The following TMEM131 variants were observed in gnomAD, a reference collection of about 807,000 sequenced individuals.
TMEM131 encodes 2610524E03Rik.
In TMEM131, 66 loss-of-function variants were observed where a neutral mutation model predicts 211.6. The observed-to-expected ratio is 0.31, with a 90% CI of 0.26 to 0.38. The LOEUF is 0.38. Among genes scored for constraint, TMEM131 ranks in the 10% least tolerant of loss-of-function variants. TMEM131 has a pLI of 1.00. For synonymous variants in TMEM131, 844 were observed against 841.3 expected, an observed-to-expected ratio of 1.00 and a Z score of -0.06; for missense variants, 2,036 against 2,299.3, an observed-to-expected ratio of 0.89 and a Z score of 2.34.
intron 5 of TMEM131, among the ~76,000 whole-genome samples, chr2:97,855,103 C>T (rs1350968832): frequency 6.6e-6 from 1 of 152,198 alleles, no homozygotes; most frequent in Non-Finnish European, 1.5e-5. Flanking sequence ...ACAAAAGTGC[C>T]TGGCACTTTA....
intron 5 of TMEM131, among the ~76,000 whole-genome samples, chr2:97,854,126 GC>G (rs146406655): frequency 0.041 from 6,238 of 152,252 alleles, 222 homozygotes; most frequent in African/African-American, 0.095. Context: ...AACTGTCACG[GC>G]CATCCCAACC....
chr2:97,827,068 C>CAAAAAAAAA (rs66841026), intron 11 of TMEM131, among the ~76,000 whole-genome samples: 1 of 93,682 alleles, frequency 1.1e-5, no homozygotes, highest in Non-Finnish European at 2.2e-5. Flanking sequence ...AAGTGATAAG[C>CAAAAAAAAA]AAAAAAAAAA....
At chr2:97,955,772 G>A (rs2104549225) in intron 1 of TMEM131, among the ~76,000 whole-genome samples, 2 of 152,118 alleles carry the variant, frequency 1.3e-5, no homozygotes, top group South Asian at 4.1e-4. Flanking sequence ...TGAAATACTT[G>A]CAATCACTCC....
At chr2:97,834,505 A>G in intron 10 of TMEM131, 116 bp downstream of exon 10, 1 of 838,824 alleles carries the variant, frequency 1.2e-6, no homozygotes, top group Non-Finnish European at 1.8e-6. Context: ...AAGATCATGC[A>G]ACCAACTGAG....
At chr2:97,945,501 T>C (rs1269367504) in intron 1 of TMEM131, among the ~76,000 whole-genome samples, 2 of 152,212 alleles carry the variant, frequency 1.3e-5, no homozygotes, top group African/African-American at 4.8e-5. Flanking sequence ...AAAAGCATGC[T>C]TTTGTGTTCT....
intron 7 of TMEM131, among the ~76,000 whole-genome samples, chr2:97,841,610 C>CCAGACTGCTGTATTCCAAAATT (rs11275209): frequency 2.0e-5 from 3 of 150,538 alleles, no homozygotes; most frequent in East Asian, 2.0e-4. Context: ...AATTCAAAAT[C>CCAGACTGCTGTATTCCAAAATT]CAGACTGCTG....
At chr2:97,822,371 T>A (rs7558931) in intron 11 of TMEM131, among the ~76,000 whole-genome samples, 121,319 of 152,118 alleles carry the variant, frequency 0.8, 49,898 homozygotes, top group African/African-American at 0.93. Context: ...TATCCTTCCT[T>A]TTCACATGAT....
chr2:97,804,761 T>TA (rs1323912086), intron 22 of TMEM131, among the ~76,000 whole-genome samples: 5 of 151,902 alleles, frequency 3.3e-5, no homozygotes, highest in Admixed American at 1.3e-4. Context: ...CAGTGGTAGG[T>TA]AAAAAACTTT....
intron 29 of TMEM131, among the ~76,000 whole-genome samples, 168 bp downstream of exon 29, chr2:97,794,762 G>A (rs1573371942): frequency 6.6e-6 from 1 of 152,140 alleles, no homozygotes. Flanking sequence ...CACCCAAGAA[G>A]GGCTCTGTTT....
At chr2:97,951,080 A>C (rs1377543262) in intron 1 of TMEM131, among the ~76,000 whole-genome samples, 2 of 152,228 alleles carry the variant, frequency 1.3e-5, no homozygotes, top group Admixed American at 1.3e-4. Context: ...GAGCAGAATA[A>C]GTCAACAGTT....
intron 4 of TMEM131, among the ~76,000 whole-genome samples, chr2:97,881,653 A>G (rs1015410468): frequency 3.5e-5 from 5 of 142,702 alleles, no homozygotes; most frequent in African/African-American, 1.3e-4. Context: ...CTGACTTATC[A>G]AGATTTACCC....
chr2:97,867,053 G>A (rs150483706), intron 4 of TMEM131, among the ~76,000 whole-genome samples: 75 of 152,308 alleles, frequency 4.9e-4, no homozygotes, highest in Non-Finnish European at 5.7e-4. Context: ...GGAATGTTCA[G>A]CCTGTATTGT....
At chr2:97,825,929 C>T (rs543857792) in intron 11 of TMEM131, among the ~76,000 whole-genome samples, 13 of 152,304 alleles carry the variant, frequency 8.5e-5, no homozygotes, top group East Asian at 5.8e-4. Context: ...ATCAGACAAC[C>T]GCCTACTTAG....
At chr2:97,877,687 C>T (rs1674755685) in intron 4 of TMEM131, among the ~76,000 whole-genome samples, 2 of 152,170 alleles carry the variant, frequency 1.3e-5, no homozygotes, top group South Asian at 2.1e-4. Flanking sequence ...CTTCCTTGTA[C>T]CTTATACAAA....
At chr2:97,826,796 T>C (rs1682408771) in intron 11 of TMEM131, among the ~76,000 whole-genome samples, 1 of 152,186 alleles carries the variant, frequency 6.6e-6, no homozygotes, top group Non-Finnish European at 1.5e-5. Flanking sequence ...ATTGAAGGTC[T>C]TCTCTGTAAC....
intron 38 of TMEM131, 200 bp downstream of exon 38, chr2:97,760,392 AC>A: frequency 1.7e-6 from 1 of 592,470 alleles, no homozygotes. Context: ...CTCTATCTGG[AC>A]CCCCTGGGGA....
rs780353060 is a variant in TMEM131, at chr2:97,760,705, T to C, written c.5012-16A>G. 5.3e-5 allele frequency: 85 copies of C among 1,613,882 alleles called. No homozygotes were observed. Among genetic ancestry groups the C allele is most frequent in the Non-Finnish European group, 7.2e-5 (85 of 1,179,900 alleles). ...CCATTCCCACCTGTAACAATGGACG[T>C]TCAATCAATGGAAGGCACATTAGGA... On this transcript the variant is annotated splice_polypyrimidine_tract_variant and intron_variant, in intron 37 of 40. Transcript: ENST00000186436.
At chr2:97,799,791 A>G (rs1288079799) in intron 25 of TMEM131, among the ~76,000 whole-genome samples, 1 of 152,202 alleles carries the variant, frequency 6.6e-6, no homozygotes, top group Non-Finnish European at 1.5e-5. Flanking sequence ...AAAGGCAACT[A>G]AAATACTCCT....
intron 8 of TMEM131, among the ~76,000 whole-genome samples, 155 bp from the exon 9 acceptor site, chr2:97,835,080 C>T (rs971105903): frequency 6.6e-6 from 1 of 152,206 alleles, no homozygotes; most frequent in Admixed American, 6.5e-5. Context: ...ATGTAACACA[C>T]ACTCCATTTC....
Sources: gnomAD v4.1 joint callset for allele counts (sites outside exome capture counted in the v4.1 genomes callset) on GRCh38, gnomAD v4.1.1 for gene constraint, MANE v1.5 for transcripts, NCBI Gene and HGNC (gene_info 2026-07-23, HGNC 2026-07-21) for gene names.